EIF4G3: variants seen among roughly 807,000 people sequenced by gnomAD.
EIF4G3 encodes eIF-4-gamma 3.
In EIF4G3, 34 loss-of-function variants were observed where a neutral mutation model predicts 186.4. The ratio of observed to expected loss-of-function variants is 0.18; its 90% CI spans 0.14 to 0.24. The LOEUF (loss-of-function observed/expected upper bound fraction) is 0.24, where lower values mean the gene tolerates loss of function less well. Among genes scored for constraint, EIF4G3 ranks in the 10% least tolerant of loss-of-function variants. EIF4G3 has a pLI of 1.00. For synonymous variants in EIF4G3, 673 were observed against 679.5 expected, an observed-to-expected ratio of 0.99 and a Z score of 0.15; for missense variants, 1,536 against 1,948.5, an observed-to-expected ratio of 0.79 and a Z score of 3.99.
intron 12 of EIF4G3, among the ~76,000 whole-genome samples, chr1:20,960,158 T>C (rs2096538881): frequency 6.6e-6 from 1 of 152,208 alleles, no homozygotes; most frequent in Non-Finnish European, 1.5e-5. Context: ...TTTTGATATA[T>C]AAGTGTATAT....
rs11290279 is a variant in EIF4G3 at position 20,931,923 on chromosome 1, T to TA, written c.1663+9567dup. On this transcript the variant is annotated intron_variant, in intron 14 of 36. Transcript: ENST00000602326. ...CTGGAGACAGAGCAAGACTCTGTCT[T>TA]AAAAAAAAAAAAAGAAAGTAGGTAG... 4.0e-3 allele frequency among the ~76,000 whole-genome samples: 594 copies of TA among 148,116 alleles called. 4 individuals carry two copies. Among genetic ancestry groups the TA allele is most frequent in the African/African-American group, 0.013 (545 of 40,434 alleles).
In EIF4G3 at chr1:20,879,395, C is replaced by T; in HGVS notation, c.2550G>A (p.Leu850=). The change falls in exon 20 of 37, where the codon CTG becomes CTA. Residue 850 remains leucine (L), a synonymous_variant. Coordinates refer to ENST00000602326, the MANE Select transcript of EIF4G3 (RefSeq NM_001391906.1). The part of the protein sequence containing the change: ...TEERLKGVID[L]VFEKAIDEPS... ...GTTCATCAATAGCCTTCTCAAAGAC[C>T]AGGTCAATAACTCCTTTCAGCCGCT... The T allele has an allele frequency of 6.2e-7, 1 of 1,605,002 alleles. No individual in the cohort carries two copies. The highest frequency in any genetic ancestry group is 8.5e-7 in the Non-Finnish European group (1 of 1,175,458).
chr1:21,020,576 C>T (rs1449690693), intron 4 of EIF4G3, among the ~76,000 whole-genome samples: 1 of 152,146 alleles, frequency 6.6e-6, no homozygotes, highest in Admixed American at 6.6e-5. Context: ...CATGTATAGC[C>T]AGCGCGATTA....
intron 14 of EIF4G3, among the ~76,000 whole-genome samples, chr1:20,936,463 A>G (rs2095520027): frequency 6.6e-6 from 1 of 152,200 alleles, no homozygotes; most frequent in East Asian, 1.9e-4. Context: ...AAGCTAAATT[A>G]TAAGGATGCA....
At chr1:21,149,009 T>C (rs1023342838) in intron 2 of EIF4G3, among the ~76,000 whole-genome samples, 2 of 151,692 alleles carry the variant, frequency 1.3e-5, no homozygotes, top group Non-Finnish European at 2.9e-5. Flanking sequence ...GGCAGGAGGA[T>C]AGCTTGAGCC....
At chr1:20,863,247 G>C (rs539521020) in intron 22 of EIF4G3, among the ~76,000 whole-genome samples, 14 of 152,046 alleles carry the variant, frequency 9.2e-5, no homozygotes, top group African/African-American at 3.4e-4. Flanking sequence ...AAAGAGACCA[G>C]AGGGGCCAGG....
Position 20,973,021 on chromosome 1 carries a change from G to C in EIF4G3, c.572C>G (p.Ala191Gly). 6.2e-7 allele frequency: 1 copy of C among 1,604,868 alleles called. No individual in the cohort carries two copies. Among genetic ancestry groups the C allele is most frequent in the Non-Finnish European group, 8.5e-7 (1 of 1,177,508 alleles). ...IVPTQQQPPPAKREKKTIRIR... is the reference protein window; with the variant it reads ...IVPTQQQPPPGKREKKTIRIR... ...TCTTACAGTTTTTTTCTCTCTCTTG[G>C]CTGGAGGCGGCTGTTGCTGCGTAGG... is the stretch of plus-strand genomic sequence containing the variant. The change falls in exon 11 of 37, where the codon GCC becomes GGC. Residue 191 changes from alanine (A) to glycine (G), a missense_variant. Ala to Gly is a moderately conservative substitution (Grantham distance 60). Coordinates refer to ENST00000602326, the MANE Select transcript of EIF4G3 (RefSeq NM_001391906.1).
At chr1:21,050,282 A>G (rs938196126) in intron 4 of EIF4G3, among the ~76,000 whole-genome samples, 2 of 152,246 alleles carry the variant, frequency 1.3e-5, no homozygotes, top group Admixed American at 6.5e-5. Context: ...CTTAAGTGCA[A>G]GGAACACATA....
chr1:20,946,809 T>C (rs2095970850), intron 13 of EIF4G3, among the ~76,000 whole-genome samples: 1 of 152,002 alleles, frequency 6.6e-6, no homozygotes, highest in Non-Finnish European at 1.5e-5. Flanking sequence ...TCCAACTTTT[T>C]GGAGGAAAGG....
chr1:21,014,948 T>A (rs2088457783), intron 4 of EIF4G3, among the ~76,000 whole-genome samples: 1 of 152,064 alleles, frequency 6.6e-6, no homozygotes, highest in African/African-American at 2.4e-5. Context: ...AGACAAAGAC[T>A]TTTAAACTGT....
chr1:21,010,256 G>A (rs1057018110), intron 4 of EIF4G3, among the ~76,000 whole-genome samples: 2 of 151,488 alleles, frequency 1.3e-5, no homozygotes, highest in African/African-American at 4.8e-5. Context: ...GACCAGCCTG[G>A]CCAATATACA....
chr1:20,908,642 T>C (rs1193814504), intron 14 of EIF4G3, among the ~76,000 whole-genome samples: 2 of 152,182 alleles, frequency 1.3e-5, no homozygotes, highest in African/African-American at 2.4e-5. Flanking sequence ...GAAGAGTCTC[T>C]TAGTTTTTCA....
At chr1:21,010,054 C>A (rs1206079043) in intron 4 of EIF4G3, among the ~76,000 whole-genome samples, 2 of 152,212 alleles carry the variant, frequency 1.3e-5, no homozygotes, top group Non-Finnish European at 2.9e-5. Flanking sequence ...TAGCTATTAG[C>A]CACATGTGGC....
chr1:20,914,247 G>T (rs2093619360), intron 14 of EIF4G3, among the ~76,000 whole-genome samples: 1 of 151,966 alleles, frequency 6.6e-6, no homozygotes, highest in Admixed American at 6.6e-5. Flanking sequence ...TGAATACGTA[G>T]CCCTACCTGG....
chr1:20,917,822 A>G (rs1463178824), intron 14 of EIF4G3, among the ~76,000 whole-genome samples: 2 of 152,234 alleles, frequency 1.3e-5, no homozygotes, highest in Non-Finnish European at 2.9e-5. Context: ...TACCTAAAAT[A>G]TTAGCATTTC....
intron 7 of EIF4G3, among the ~76,000 whole-genome samples, chr1:20,982,923 C>A (rs1558560540): frequency 6.6e-6 from 1 of 152,110 alleles, no homozygotes; most frequent in African/African-American, 2.4e-5. Context: ...TATAAGAGGG[C>A]ACTTATAGCT....
intron 20 of EIF4G3, among the ~76,000 whole-genome samples, chr1:20,878,697 A>G (rs1022922047): frequency 1.3e-5 from 2 of 152,232 alleles, no homozygotes; most frequent in Admixed American, 1.3e-4. Flanking sequence ...TAACAATAAC[A>G]GGAAGAGAAA....
intron 3 of EIF4G3, among the ~76,000 whole-genome samples, chr1:21,086,597 T>G (rs901232405): frequency 2.6e-5 from 4 of 152,094 alleles, no homozygotes; most frequent in African/African-American, 7.2e-5. Context: ...TCGCATGCAA[T>G]TAACACGTTC....
At chr1:21,029,505 C>T (rs1043445217) in intron 4 of EIF4G3, among the ~76,000 whole-genome samples, 24 of 151,922 alleles carry the variant, frequency 1.6e-4, no homozygotes, top group Admixed American at 1.4e-3. Flanking sequence ...TGCAGTGGCT[C>T]ACGCCTGTAA....
Sources: allele counts gnomAD v4.1 joint callset (sites outside exome capture counted in the v4.1 genomes callset), GRCh38; gene constraint gnomAD v4.1.1; transcripts MANE v1.5; gene names NCBI Gene and HGNC (gene_info 2026-07-23, HGNC 2026-07-21).